Variants in SFR1 observed in about 807,000 individuals in gnomAD.
SFR1 encodes the protein swi5-dependent recombination DNA repair protein 1 homolog.
Under a neutral mutation model 26.2 loss-of-function variants are expected in SFR1, and 24 were observed. The ratio of observed to expected loss-of-function variants is 0.92; its 90% CI spans 0.66 to 1.29. SFR1 has a LOEUF of 1.29. SFR1 is among the 50% of genes most tolerant of loss of function. The pLI is 0.00. For synonymous variants in SFR1, 77 were observed against 96.6 expected, an observed-to-expected ratio of 0.80 and a Z score of 1.19; for missense variants, 276 against 270.2, an observed-to-expected ratio of 1.02 and a Z score of -0.15.
chr10:104,124,935 T>A (rs1340482860), intron 3 of SFR1, among the ~76,000 whole-genome samples: 1 of 152,062 alleles, frequency 6.6e-6, no homozygotes, highest in Non-Finnish European at 1.5e-5. Context: ...TAGCTGGGAC[T>A]ACAGACATGT....
chr10:104,121,954 G>C, upstream of SFR1: 1 of 490,044 alleles, frequency 2.0e-6, no homozygotes, highest in Non-Finnish European at 3.6e-6. Context: ...GGTTAATTCT[G>C]CCAATCATGC....
upstream of SFR1, among the ~76,000 whole-genome samples, chr10:104,121,106 CGCG>C (rs1031714361): frequency 4.4e-3 from 383 of 87,610 alleles, 3 homozygotes; most frequent in African/African-American, 0.043. Flanking sequence ...GGAAGCGGGG[CGCG>C]GGGGGGGGAT....
upstream of SFR1, chr10:104,122,026 G>A: frequency 1.3e-6 from 1 of 780,654 alleles, no homozygotes; most frequent in Non-Finnish European, 2.0e-6. Context: ...GGAGGCGCGC[G>A]CGCAGTCCCA....
At chr10:104,122,808 A>G (rs1267993247) in intron 1 of SFR1, 157 bp from the exon 2 acceptor site, 3 of 1,527,410 alleles carry the variant, frequency 2.0e-6, no homozygotes, top group African/African-American at 1.4e-5. Flanking sequence ...TAAATGGAAA[A>G]CTGCAAAAAG....
chr10:104,123,107 C>T, intron 2 of SFR1, 21 bp downstream of exon 2: 1 of 1,524,720 alleles, frequency 6.6e-7, no homozygotes, highest in Non-Finnish European at 8.8e-7. Context: ...CTTTGTTCTT[C>T]CAGTGGATCC....
upstream of SFR1, chr10:104,121,968 TG>T (rs1040007220): frequency 9.5e-6 from 5 of 527,556 alleles, no homozygotes; most frequent in Non-Finnish European, 1.3e-5. Context: ...ATCATGCGTC[TG>T]GGCCTCCCAT....
At chr10:104,120,516 T>C (rs543036620), upstream of SFR1, among the ~76,000 whole-genome samples, 14 of 152,346 alleles carry the variant, frequency 9.2e-5, no homozygotes, top group East Asian at 2.5e-3. Context: ...TTAAAATATA[T>C]GTGCTTTTTT....
In SFR1 at chr10:104,125,766, A is replaced by ATT; in HGVS notation, c.*62_*63insTT. ...CAACTTAATTAAAAGATACTTAGGC[A>ATT]CTTTTTTTTTTTTTTTGAGACTGAG... On this transcript the variant is annotated 3_prime_UTR_variant, in exon 4 of 4. Transcript: ENST00000369727. 9.1e-7 allele frequency: 1 copy of ATT among 1,097,048 alleles called. No homozygotes were observed. Among genetic ancestry groups the ATT allele is most frequent in the East Asian group, 2.6e-5 (1 of 37,936 alleles). The allele number at this position is 1,097,048 out of a possible 1,614,324, so 68.0% of individuals were successfully genotyped here.
intron 3 of SFR1, among the ~76,000 whole-genome samples, 196 bp from the exon 4 acceptor site, chr10:104,125,317 A>C (rs1431191564): frequency 6.6e-6 from 1 of 152,220 alleles, no homozygotes; most frequent in African/African-American, 2.4e-5. Flanking sequence ...TAAGCCAACA[A>C]AATAGCCATA....
In SFR1 at chr10:104,122,211, G is replaced by A. The variant is rs1308741527; in HGVS notation, c.13+15G>A. Reference sequence around the variant, plus strand: ...GGCGGAGGGAGGTACCCTGCTGAGGGGAAGGGGGGATCCCTGACACCTGGG... The same window carrying A: ...GGCGGAGGGAGGTACCCTGCTGAGGAGAAGGGGGGATCCCTGACACCTGGG... On this transcript the variant is annotated intron_variant, in intron 1 of 3. Transcript: ENST00000369727. The A allele has an allele frequency of 3.9e-6, 6 of 1,539,152 alleles. No homozygotes were observed. Among genetic ancestry groups the A allele is most frequent in the Middle Eastern group, 4.3e-4 (2 of 4,622 alleles).
intron 3 of SFR1, 112 bp downstream of exon 3, chr10:104,124,236 T>C: frequency 1.0e-6 from 1 of 957,828 alleles, no homozygotes; most frequent in Admixed American, 3.6e-5. Context: ...AAGCCAAATA[T>C]TCAGAAACCT....
upstream of SFR1, among the ~76,000 whole-genome samples, chr10:104,120,642 A>G (rs758720720): frequency 7.2e-5 from 11 of 152,164 alleles, no homozygotes; most frequent in Admixed American, 2.0e-4. Context: ...CTTCCTAGAT[A>G]CCTAGCTCTG....
intron 1 of SFR1, chr10:104,122,499 T>A: frequency 1.0e-6 from 1 of 985,432 alleles, no homozygotes; most frequent in Non-Finnish European, 1.2e-6. Flanking sequence ...GTCTCCGCTG[T>A]GTTTCTTATG....
rs751415741 is a variant in SFR1 at position 104,125,517 on chromosome 10, ATCTG to A, written c.555_558del (p.Gln187TyrfsTer4). On this transcript the variant is annotated frameshift_variant, in exon 4 of 4. Transcript: ENST00000369727. LOFTEE classifies it high-confidence loss of function. ...ATGTTTTTTTTTCTGTTTCAGAATG[ATCTG>A]TCTCAGTTACAGTTGTTAATAAAGA... 2 of 1,604,794 alleles carry A rather than the reference ATCTG, an allele frequency of 1.2e-6. No individual in the cohort carries two copies. Among genetic ancestry groups the A allele is most frequent in the Non-Finnish European group, 8.5e-7 (1 of 1,177,224 alleles).
At chr10:104,121,420 C>G (rs1014781477), upstream of SFR1, among the ~76,000 whole-genome samples, 1 of 152,146 alleles carries the variant, frequency 6.6e-6, no homozygotes, top group African/African-American at 2.4e-5. Context: ...AGCTAAAGTG[C>G]CGGGACTCTC....
At chr10:104,122,016 G>A, upstream of SFR1, 1 of 701,644 alleles carries the variant, frequency 1.4e-6, no homozygotes, top group East Asian at 3.2e-5. Flanking sequence ...ACCCGCTGGC[G>A]GAGGCGCGCG....
chr10:104,125,471 C>G, intron 3 of SFR1, 42 bp from the exon 4 acceptor site: 2 of 1,474,782 alleles, frequency 1.4e-6, no homozygotes, highest in Non-Finnish European at 9.4e-7. Context: ...GTTGAACTAG[C>G]ATGACTAGTT....
chr10:104,123,197 A>G (rs768176784), intron 2 of SFR1, 111 bp downstream of exon 2: 17 of 836,914 alleles, frequency 2.0e-5, no homozygotes, highest in South Asian at 1.1e-4. Flanking sequence ...TGTAGCATAA[A>G]TAAGTAGACA....
intron 2 of SFR1, chr10:104,123,497 T>C: frequency 2.3e-6 from 1 of 441,750 alleles, no homozygotes; most frequent in Non-Finnish European, 4.0e-6. Flanking sequence ...TCTCAACACT[T>C]TTGGAAAGGT....
Sources: gnomAD v4.1 joint callset for allele counts (sites outside exome capture counted in the v4.1 genomes callset) on GRCh38, gnomAD v4.1.1 for gene constraint, MANE v1.5 for transcripts, NCBI Gene and HGNC (gene_info 2026-07-23, HGNC 2026-07-21) for gene names.